The following PITPNM2 variants were observed in gnomAD, a reference collection of about 807,000 sequenced individuals.
PITPNM2 encodes phosphatidylinositol transfer protein membrane associated 2, also known as membrane-associated phosphatidylinositol transfer protein 2.
In PITPNM2, 35 loss-of-function variants were observed where a neutral mutation model predicts 132.2. That is an observed-to-expected ratio of 0.26 (90% CI 0.20 to 0.35). PITPNM2 has a LOEUF of 0.35. Ranked by LOEUF, PITPNM2 falls within the 10% of genes least tolerant of loss-of-function variation. The pLI is 1.00. For synonymous variants in PITPNM2, 738 were observed against 799.2 expected, an observed-to-expected ratio of 0.92 and a Z score of 1.29; for missense variants, 1,332 against 1,912.0, an observed-to-expected ratio of 0.70 and a Z score of 5.66.
At chr12:123,143,850 G>T (rs1247929306) in intron 1 of PITPNM2, among the ~76,000 whole-genome samples, 3 of 152,150 alleles carry the variant, frequency 2.0e-5, no homozygotes, top group African/African-American at 7.2e-5. Context: ...GCAAACACAA[G>T]AATCTGCCCA....
chr12:122,996,616 G>A (rs536317129), intron 12 of PITPNM2, 39 bp from the exon 13 acceptor site: 73 of 1,612,476 alleles, frequency 4.5e-5, no homozygotes, highest in Middle Eastern at 1.7e-4. Flanking sequence ...CCATTCACCC[G>A]CTCGCTGGAC....
chr12:122,997,346 T>A lies in PITPNM2; in HGVS notation c.1451A>T (p.Asp484Val), dbSNP rs140191385. ...RLVPCPPVCS[D>V]AFALVSNLSP... Reference sequence around the variant, plus strand: ...TCACTTGGAGACCAGGGCAAAGGCGTCAGAGCAGACGGGCGGGCAGGGCAC... The same window carrying A: ...TCACTTGGAGACCAGGGCAAAGGCGACAGAGCAGACGGGCGGGCAGGGCAC... The change falls in exon 11 of 26, where the codon GAC (aspartate) becomes GTC (valine). Residue 484 changes from aspartate (D) to valine (V), a missense_variant. Physicochemically the swap from Asp to Val is radical, Grantham distance 152. Transcript: ENST00000320201. The A allele has an allele frequency of 3.7e-6, 6 of 1,613,142 alleles. No homozygotes were observed. The highest frequency in any genetic ancestry group is 5.1e-6 in the Non-Finnish European group (6 of 1,179,912).
rs974561469 is a variant in PITPNM2 at position 123,023,125 on chromosome 12, G to A, written c.79-9083C>T. On this transcript the variant is annotated intron_variant, in intron 3 of 25. Transcript: ENST00000320201. The surrounding 1 kb of genome is among the most constrained non-coding windows in gnomAD (Gnocchi z 4.8). Reference sequence around the variant, plus strand: ...CAGGCTGGGCTGGGGCCAGCTCACTGGAGGGAGGGGACAGCTAGGAGTGGC... The same window carrying A: ...CAGGCTGGGCTGGGGCCAGCTCACTAGAGGGAGGGGACAGCTAGGAGTGGC... Among the ~76,000 whole-genome samples, 1 of 152,268 alleles carries A rather than the reference G, an allele frequency of 6.6e-6. No individual in the cohort carries two copies. The highest frequency in any genetic ancestry group is 2.4e-5 in the African/African-American group (1 of 41,476).
At chr12:123,060,886 T>C (rs2041212352) in intron 2 of PITPNM2, among the ~76,000 whole-genome samples, 2 of 152,122 alleles carry the variant, frequency 1.3e-5, no homozygotes, top group South Asian at 4.1e-4. Flanking sequence ...ATTGGGTAGA[T>C]GGAAAAATTA....
At chr12:123,102,860 T>C (rs893732560) in intron 2 of PITPNM2, among the ~76,000 whole-genome samples, 4 of 152,238 alleles carry the variant, frequency 2.6e-5, no homozygotes, top group Non-Finnish European at 5.9e-5. Flanking sequence ...CACAGTTACC[T>C]GTAGGGCTGT....
At chr12:123,125,672 G>A (rs921631263) in intron 1 of PITPNM2, among the ~76,000 whole-genome samples, 27 of 150,884 alleles carry the variant, frequency 1.8e-4, no homozygotes, top group African/African-American at 6.1e-4. Context: ...GTGAAACCCC[G>A]TCTCTATTAA....
At position 122,994,993 on chromosome 12, in the gene PITPNM2, T is replaced by G; in HGVS notation, c.2055-14A>C. 1 of 1,589,598 alleles carries G rather than the reference T, an allele frequency of 6.3e-7. No individual in the cohort carries two copies. Among genetic ancestry groups the G allele is most frequent in the South Asian group, 1.1e-5 (1 of 88,742 alleles). On this transcript the variant is annotated splice_polypyrimidine_tract_variant and intron_variant, in intron 14 of 25. Coordinates refer to ENST00000320201, the MANE Select transcript of PITPNM2 (RefSeq NM_020845.3). This position sits in a 1 kb window ranked among gnomAD's most constrained non-coding sequence, Gnocchi z 5.4. The stretch of plus-strand genomic sequence containing the variant: ...CTGGCATGGAGGCTGCAGACCCAAA[T>G]AAGACTTAGCTGTCATGTGGGTGCA...
chr12:123,000,815 C>G lies in PITPNM2; in HGVS notation c.1187G>C (p.Arg396Thr). The G allele has an allele frequency of 6.2e-7, 1 of 1,614,084 alleles. No individual in the cohort carries two copies. Among genetic ancestry groups the G allele is most frequent in the Non-Finnish European group, 8.5e-7 (1 of 1,180,032 alleles). ...GLYRQGAPEF[R>T]VASSVEQLNI... is the part of the protein sequence containing the mutation. ...CAGCTGCTCCACACTGGAGGCCACC[C>G]TGAACTCAGGGGCACCCTGGCGGTA... Residue 396 changes from arginine (R) to threonine (T), a missense_variant, in exon 10 of 26, where the codon AGG (arginine) becomes ACG (threonine). This residue lies in a region of PITPNM2 where 710 missense variants were observed against 911.5 expected (regional missense o/e 0.78). Coordinates refer to ENST00000320201, the MANE Select transcript of PITPNM2 (RefSeq NM_020845.3). This position sits in a 1 kb window ranked among gnomAD's most constrained non-coding sequence, Gnocchi z 5.4.
chr12:123,107,681 C>G (rs928233816), intron 2 of PITPNM2, among the ~76,000 whole-genome samples: 2 of 152,146 alleles, frequency 1.3e-5, no homozygotes, highest in Non-Finnish European at 2.9e-5. Flanking sequence ...ATGCCACAAA[C>G]TCCCAAGCAG....
In PITPNM2 at chr12:122,983,494, T is replaced by G. The variant is rs1458667919; in HGVS notation, c.*2533A>C. On this transcript the variant is annotated 3_prime_UTR_variant, in exon 26 of 26. Coordinates refer to ENST00000320201, the MANE Select transcript of PITPNM2 (RefSeq NM_020845.3). ...AGATCCAGAAGGAAGCCTTCCCGCT[T>G]CTTTAATTGGTGTAACAGACATGAC... 6.6e-6 allele frequency: 1 copy of G among 152,650 alleles called. No individual in the cohort carries two copies. The highest frequency in any genetic ancestry group is 1.5e-5 in the Non-Finnish European group (1 of 68,140). 9.5% of individuals were successfully genotyped at this position (152,650 alleles called of 1,614,324 possible).
chr12:122,997,845 A>G (rs946854467), intron 10 of PITPNM2, among the ~76,000 whole-genome samples: 3 of 152,058 alleles, frequency 2.0e-5, no homozygotes, highest in African/African-American at 7.2e-5. Flanking sequence ...TGCCACCCTC[A>G]CCAGGGGCAC....
chr12:123,010,130 C>G, intron 5 of PITPNM2, 53 bp from the exon 6 acceptor site: 1 of 1,422,030 alleles, frequency 7.0e-7, no homozygotes, highest in Non-Finnish European at 9.9e-7. Flanking sequence ...AACCCCCACC[C>G]ACATCTCTCC....
Position 123,095,711 on chromosome 12 carries a change from C to A in PITPNM2, c.-96+14674G>T, listed in dbSNP as rs1337061368. ...TCAGCCCCAGCCAGACTCTCACAGA[C>A]AGGAGCCCATGGGGCTCCTCCTGCC... On this transcript the variant is annotated intron_variant, in intron 2 of 25. Coordinates refer to ENST00000320201, the MANE Select transcript of PITPNM2 (RefSeq NM_020845.3). This position sits in a 1 kb window ranked among gnomAD's most constrained non-coding sequence, Gnocchi z 5.0. Among the ~76,000 whole-genome samples, 1 of 152,212 alleles carries A rather than the reference C, an allele frequency of 6.6e-6. No homozygotes were observed.
Position 123,000,703 on chromosome 12 carries a change from C to A in PITPNM2, c.1224+75G>T. ...GGCCCAGAGTTCCACCTCTGTAACC[C>A]CTCAGACTATTCCTCTGCACCCTGC... is the stretch of plus-strand genomic sequence containing the variant. On this transcript the variant is annotated intron_variant, in intron 10 of 25. Transcript: ENST00000320201. This position sits in a 1 kb window ranked among gnomAD's most constrained non-coding sequence, Gnocchi z 5.4. The A allele has an allele frequency of 6.7e-7, 1 of 1,495,086 alleles. No homozygotes were observed. Among genetic ancestry groups the A allele is most frequent in the East Asian group, 2.3e-5 (1 of 43,100 alleles). The allele number at this position is 1,495,086 out of a possible 1,614,324, so 92.6% of individuals were successfully genotyped here. A position where few individuals can be genotyped will look rare whatever the true frequency, so the allele number is the denominator to read the frequency against.
chr12:122,994,700 G>A lies in PITPNM2; in HGVS notation c.2233+101C>T, dbSNP rs1242969637. On this transcript the variant is annotated intron_variant, in intron 15 of 25. Coordinates refer to ENST00000320201, the MANE Select transcript of PITPNM2 (RefSeq NM_020845.3). This position sits in a 1 kb window ranked among gnomAD's most constrained non-coding sequence, Gnocchi z 5.4. Reference sequence around the variant, plus strand: ...GAAGACAGGAAGGAGGGCAGAAACAGGCCTGGGACGTGGCCATGATCTCAT... The same window carrying A: ...GAAGACAGGAAGGAGGGCAGAAACAAGCCTGGGACGTGGCCATGATCTCAT... 1.5e-6 allele frequency: 2 copies of A among 1,311,318 alleles called. No individual in the cohort carries two copies. Among genetic ancestry groups the A allele is most frequent in the African/African-American group, 3.0e-5 (2 of 67,382 alleles). 81.2% of individuals were successfully genotyped at this position (1,311,318 alleles called of 1,614,324 possible). A position where few individuals can be genotyped will look rare whatever the true frequency, so the allele number is the denominator to read the frequency against.
rs1008078385 is a variant in PITPNM2 at position 122,995,570 on chromosome 12, C to T, written c.1873G>A (p.Gly625Ser). 2 of 1,607,432 alleles carry T rather than the reference C, an allele frequency of 1.2e-6. No individual in the cohort carries two copies. The highest frequency in any genetic ancestry group is 1.7e-6 in the Non-Finnish European group (2 of 1,179,754). ...GAGCCACCACTACTGCCACCACCACCACTGCTGCCACCACCGCCACCGCCG... is the reference window on the plus strand; with the variant it reads ...GAGCCACCACTACTGCCACCACCACTACTGCTGCCACCACCGCCACCGCCG... ...GGGGGGGGSS[G>S]GGGSSGGSSL... The change falls in exon 14 of 26, where the codon GGT (glycine) becomes AGT (serine). Residue 625 changes from glycine to serine, a missense_variant. Gly to Ser is a moderately conservative substitution (Grantham distance 56, BLOSUM62 0). Around this residue, in one of 6 missense-constraint regions of PITPNM2, gnomAD observed 710 missense variants for 911.5 expected, o/e 0.78. Transcript: ENST00000320201.
chr12:122,987,951 G>A (rs2038009955), intron 20 of PITPNM2, 50 bp from the exon 21 acceptor site: 2 of 1,514,602 alleles, frequency 1.3e-6, no homozygotes, highest in Non-Finnish European at 1.8e-6. Context: ...GGCACCCCGG[G>A]TCCCTGTGTT....
intron 13 of PITPNM2, 74 bp from the exon 14 acceptor site, chr12:122,995,734 C>T: frequency 6.8e-7 from 1 of 1,471,692 alleles, no homozygotes; most frequent in Non-Finnish European, 9.0e-7. Flanking sequence ...CTGGAAGCTG[C>T]CTCCTCCCTC....
chr12:123,065,198 C>A (rs1277296772), intron 2 of PITPNM2, among the ~76,000 whole-genome samples: 1 of 152,232 alleles, frequency 6.6e-6, no homozygotes, highest in Non-Finnish European at 1.5e-5. Context: ...AGGGGCCACC[C>A]AGAAGGCTTT....
Sources: gnomAD v4.1 joint callset for allele counts (sites outside exome capture counted in the v4.1 genomes callset) on GRCh38, gnomAD v4.1.1 for gene constraint, gnomAD v4.1.1 regional missense constraint, Gnocchi (gnomAD v3.1) non-coding constraint, MANE v1.5 for transcripts, NCBI Gene and HGNC (gene_info 2026-07-23, HGNC 2026-07-21) for gene names.